Variants in AKAP10 observed in about 807,000 individuals in gnomAD.
AKAP10 encodes A-kinase anchoring protein 10.
AKAP10 carries 24 observed loss-of-function variants against 80.8 expected under a neutral mutation model. That is an observed-to-expected ratio of 0.30 (90% CI 0.22 to 0.42). AKAP10 has a LOEUF of 0.42. Among genes scored for constraint, AKAP10 ranks in the 10% least tolerant of loss-of-function variants. The pLI, the probability that AKAP10 is intolerant of heterozygous loss-of-function variation, is 1.00. For synonymous variants in AKAP10, 291 were observed against 277.7 expected (o/e 1.05, Z -0.48); for missense variants, 661 against 794.9 (o/e 0.83, Z 2.03).
rs1477386247 is a variant in AKAP10 at position 19,905,028 on chromosome 17, A to ATT, written c.*1198_*1199insAA. On this transcript the variant is annotated 3_prime_UTR_variant, in exon 15 of 15. Transcript: ENST00000225737. ...ATTATATATTTATACATATATATAT[A>ATT]TATTTTTTTTTTTGCAAAGTCTGAG... 3.0e-3 allele frequency: 405 copies of ATT among 135,234 alleles called. 2 individuals are homozygous for ATT. Among genetic ancestry groups the ATT allele is most frequent in the African/African-American group, 0.011 (376 of 34,476 alleles). The allele number at this position is 135,234 out of a possible 1,614,324, so 8.4% of individuals were successfully genotyped here.
intron 13 of AKAP10, 105 bp from the exon 14 acceptor site, chr17:19,909,381 T>C (rs2042666149): frequency 1.0e-6 from 1 of 991,810 alleles, no homozygotes; most frequent in Non-Finnish European, 1.4e-6. Flanking sequence ...AATTTCTACT[T>C]ATTTGGATAA....
chr17:19,956,706 C>A (rs777675070), intron 4 of AKAP10, among the ~76,000 whole-genome samples: 20 of 152,006 alleles, frequency 1.3e-4, no homozygotes, highest in Non-Finnish European at 8.8e-5. Flanking sequence ...AGTAACTTTG[C>A]GATGAAAATA....
At chr17:19,922,020 T>C (rs2042823250) in intron 11 of AKAP10, among the ~76,000 whole-genome samples, 1 of 152,174 alleles carries the variant, frequency 6.6e-6, no homozygotes. Context: ...CAAAAGTGCA[T>C]ACCATAAGAA....
At chr17:19,972,398 T>A (rs1251399043) in intron 1 of AKAP10, among the ~76,000 whole-genome samples, 1 of 152,220 alleles carries the variant, frequency 6.6e-6, no homozygotes, top group Non-Finnish European at 1.5e-5. Flanking sequence ...GTAAATCTTC[T>A]CTTCTAGAAG....
intron 3 of AKAP10, among the ~76,000 whole-genome samples, chr17:19,960,039 G>T (rs1038464847): frequency 1.3e-5 from 2 of 152,128 alleles, no homozygotes; most frequent in Non-Finnish European, 2.9e-5. Context: ...TAGAGCCCAG[G>T]AGTTCAAGAC....
chr17:19,954,258 C>T (rs2043246877), intron 4 of AKAP10, among the ~76,000 whole-genome samples: 1 of 152,042 alleles, frequency 6.6e-6, no homozygotes, highest in African/African-American at 2.4e-5. Context: ...TAGACACACA[C>T]ATCATGAAAC....
intron 5 of AKAP10, among the ~76,000 whole-genome samples, chr17:19,946,236 ATTAT>A (rs1405191726): frequency 0.051 from 1,150 of 22,614 alleles, 119 homozygotes; most frequent in Non-Finnish European, 0.062. Context: ...ATATATATAT[ATTAT>A]ATATATATAT....
rs779065981 is a variant in AKAP10, at chr17:19,920,074, C to T, written c.1796G>A (p.Arg599Gln). 9 of 1,613,506 alleles carry T rather than the reference C, an allele frequency of 5.6e-6. No homozygotes were observed. The highest frequency in any genetic ancestry group is 3.3e-5 in the South Asian group (3 of 91,044). ...GRVSDLGQFIRESEPEPDVRK... is the reference protein window; with the variant it reads ...GRVSDLGQFIQESEPEPDVRK... ...TACATCAGGTTCAGGCTCAGATTCT[C>T]GGATGAATTGCCCCAAGTCACTGAC... Residue 599 changes from arginine (R) to glutamine (Q), a missense_variant, in exon 12 of 15, where the codon CGA becomes CAA. Transcript: ENST00000225737.
At chr17:19,944,006 G>T (rs1332376706) in intron 5 of AKAP10, among the ~76,000 whole-genome samples, 1 of 151,112 alleles carries the variant, frequency 6.6e-6, no homozygotes, top group Non-Finnish European at 1.5e-5. Context: ...TTTTTCTACA[G>T]TACATCTCCT....
At chr17:19,955,075 A>T (rs2043258440) in intron 4 of AKAP10, among the ~76,000 whole-genome samples, 1 of 152,002 alleles carries the variant, frequency 6.6e-6, no homozygotes, top group Non-Finnish European at 1.5e-5. Flanking sequence ...CAAAAAAATC[A>T]GCCGGGTGTG....
At chr17:19,928,047 C>G (rs1304103034) in intron 10 of AKAP10, among the ~76,000 whole-genome samples, 4 of 151,376 alleles carry the variant, frequency 2.6e-5, no homozygotes, top group Non-Finnish European at 5.9e-5. Context: ...TGGTGAAACC[C>G]TGTCACTAGT....
chr17:19,938,480 G>A (rs1417662079), intron 8 of AKAP10, among the ~76,000 whole-genome samples: 4 of 151,380 alleles, frequency 2.6e-5, no homozygotes, highest in South Asian at 2.1e-4. Flanking sequence ...CAAGTAATCC[G>A]CCTGCCTCAG....
intron 9 of AKAP10, 69 bp from the exon 10 acceptor site, chr17:19,932,047 A>C (rs1800366195): frequency 3.6e-6 from 5 of 1,374,148 alleles, no homozygotes. Flanking sequence ...TAAATAAATA[A>C]ATTTTACCTA....
intron 12 of AKAP10, among the ~76,000 whole-genome samples, chr17:19,917,057 G>C (rs2042752439): frequency 6.6e-6 from 1 of 151,970 alleles, no homozygotes; most frequent in Non-Finnish European, 1.5e-5. Flanking sequence ...GAGGTCAGGA[G>C]ATCGAGACCA....
At chr17:19,941,095 C>A in intron 6 of AKAP10, 85 bp from the exon 7 acceptor site, 4 of 1,415,866 alleles carry the variant, frequency 2.8e-6, no homozygotes, top group South Asian at 1.5e-5. Flanking sequence ...CATACTGTCC[C>A]TATTGTATCT....
At chr17:19,918,124 G>A (rs1418430845) in intron 12 of AKAP10, among the ~76,000 whole-genome samples, 1 of 151,304 alleles carries the variant, frequency 6.6e-6, no homozygotes, top group Non-Finnish European at 1.5e-5. Context: ...GAAGACTGAG[G>A]CAGGAGAATT....
Position 19,905,952 on chromosome 17 carries a change from A to G in AKAP10, c.*275T>C. The stretch of plus-strand genomic sequence containing the variant: ...GCTAAAACACTCTCATAAATGGGTT[A>G]TTGCCATTGGAAAACTAATAATTTT... On this transcript the variant is annotated 3_prime_UTR_variant, in exon 15 of 15. Coordinates refer to ENST00000225737, the MANE Select transcript of AKAP10 (RefSeq NM_007202.4). The G allele has an allele frequency of 2.2e-6, 1 of 450,918 alleles. No homozygotes were observed. The highest frequency in any genetic ancestry group is 3.5e-4 in the Middle Eastern group (1 of 2,862). The allele number at this position is 450,918 out of a possible 1,614,324, so 27.9% of individuals were successfully genotyped here.
intron 5 of AKAP10, 141 bp downstream of exon 5, chr17:19,947,265 TA>T: frequency 1.5e-6 from 1 of 679,924 alleles, no homozygotes; most frequent in Non-Finnish European, 2.5e-6. Context: ...TAATCCGATA[TA>T]AAAAATACTC....
chr17:19,955,063 T>C (rs999098736), intron 4 of AKAP10, among the ~76,000 whole-genome samples: 1 of 151,366 alleles, frequency 6.6e-6, no homozygotes, highest in Non-Finnish European at 1.5e-5. Flanking sequence ...CTACTAAAAA[T>C]ACAAAAAAAT....
Sources: gnomAD v4.1 joint callset for allele counts (sites outside exome capture counted in the v4.1 genomes callset) on GRCh38, gnomAD v4.1.1 for gene constraint, MANE v1.5 for transcripts, NCBI Gene and HGNC (gene_info 2026-07-23, HGNC 2026-07-21) for gene names.